Variants in ZSWIM6 observed in about 807,000 individuals in gnomAD.
ZSWIM6 encodes zinc finger SWIM domain-containing protein 6.
Under a neutral mutation model 113.2 loss-of-function variants are expected in ZSWIM6, and 9 were observed. The observed-to-expected ratio is 0.08, with a 90% CI of 0.05 to 0.14. The LOEUF is 0.14. Among genes scored for constraint, ZSWIM6 ranks in the 10% least tolerant of loss-of-function variants. The probability of loss-of-function intolerance (pLI) is 1.00; values close to 1 mark genes in which losing one functional copy is unlikely to be tolerated. For missense variants in ZSWIM6, 1,162 were observed against 1,552.2 expected, an observed-to-expected ratio of 0.75 and a Z score of 4.22; for synonymous variants, 611 against 606.5, an observed-to-expected ratio of 1.01 and a Z score of -0.11.
At chr5:61,404,940 T>TA (rs1221199647) in intron 1 of ZSWIM6, among the ~76,000 whole-genome samples, 1 of 152,224 alleles carries the variant, frequency 6.6e-6, no homozygotes, top group Non-Finnish European at 1.5e-5. Context: ...AACTGTAGGA[T>TA]ATGTTTCCCA....
chr5:61,457,624 CA>C (rs1238800388), intron 1 of ZSWIM6, among the ~76,000 whole-genome samples: 1 of 152,058 alleles, frequency 6.6e-6, no homozygotes, highest in Admixed American at 6.6e-5. Flanking sequence ...CAGGTTCAAG[CA>C]ATTCTCCTGC....
At chr5:61,447,495 T>C (rs1326109726) in intron 1 of ZSWIM6, among the ~76,000 whole-genome samples, 1 of 152,150 alleles carries the variant, frequency 6.6e-6, no homozygotes, top group African/African-American at 2.4e-5. Context: ...GCTGCTGGTA[T>C]CCACAAAGGA....
intron 4 of ZSWIM6, among the ~76,000 whole-genome samples, chr5:61,500,643 T>C (rs572520147): frequency 2.2e-4 from 33 of 152,270 alleles, no homozygotes; most frequent in African/African-American, 6.5e-4. Flanking sequence ...AGGGACCCTC[T>C]AACTTCAGGT....
At position 61,490,439 on chromosome 5, in the gene ZSWIM6, T is replaced by A. The variant is rs990432795; in HGVS notation, c.1034-347T>A. ...ATTTTTCTAAAGTCTTTGAAAGACA[T>A]TTTTTCCAGCATGGCCTACACAGCT... On this transcript the variant is annotated intron_variant, in intron 2 of 13. Coordinates refer to ENST00000252744, the MANE Select transcript of ZSWIM6 (RefSeq NM_020928.2). Among the ~76,000 whole-genome samples the A allele has an allele frequency of 1.6e-4, 25 of 152,124 alleles. 2 individuals are homozygous for A. Among genetic ancestry groups the A allele is most frequent in the Admixed American group, 1.0e-3 (16 of 15,252 alleles).
rs574101181 is a variant in ZSWIM6 at position 61,516,536 on chromosome 5, T to G, written c.1334-4727T>G. ...TAACATGGCAAATATATATATATCT[T>G]ATATATATATATAGTTTATAGATAC... is the stretch of plus-strand genomic sequence containing the variant. On this transcript the variant is annotated intron_variant, in intron 4 of 13. Transcript: ENST00000252744. 1.5e-4 allele frequency among the ~76,000 whole-genome samples: 16 copies of G among 103,494 alleles called. No individual in the cohort carries two copies. In the East Asian group the frequency reaches 4.8e-3, roughly 31 times the overall value. 67.9% of individuals were successfully genotyped at this position (103,494 alleles called of 152,430 possible).
At chr5:61,395,516 A>G (rs1300024769) in intron 1 of ZSWIM6, among the ~76,000 whole-genome samples, 2 of 152,336 alleles carry the variant, frequency 1.3e-5, no homozygotes, top group East Asian at 3.9e-4. Flanking sequence ...ATAAAAATCA[A>G]CGGTTTAATT....
In ZSWIM6 at chr5:61,332,354, AGCGGCG is replaced by A. The variant is rs528020839; in HGVS notation, c.95_100del (p.Gly32_Gly33del). 6.1e-5 allele frequency: 61 copies of A among 1,004,970 alleles called. No homozygotes were observed. The highest frequency in any genetic ancestry group is 7.0e-5 in the Non-Finnish European group (58 of 832,084). The allele number at this position is 1,004,970 out of a possible 1,614,324, so 62.3% of individuals were successfully genotyped here. ...CGGCGGCGGCGGCGGCGGGGGCAGC[AGCGGCG>A]GCGGCGGCGGCGCGGGTGGCGGCTA... On this transcript the variant is annotated inframe_deletion, in exon 1 of 14. Coordinates refer to ENST00000252744, the MANE Select transcript of ZSWIM6 (RefSeq NM_020928.2).
In ZSWIM6 at chr5:61,472,963, C is replaced by G. The variant is rs1320078704; in HGVS notation, c.959C>G (p.Thr320Arg). ...FVQYLITVHHTEVLPTAQKLA... is the reference protein window; with the variant it reads ...FVQYLITVHHREVLPTAQKLA... ...CAGTATTTGATCACAGTGCACCACA[C>G]AGAAGTTTTGCCAACTGCTCAAAAA... is the stretch of plus-strand genomic sequence containing the variant. Residue 320 changes from threonine to arginine, a missense_variant, in exon 2 of 14, where the codon ACA (threonine) becomes AGA (arginine). Transcript: ENST00000252744. The surrounding 1 kb of genome is among the most constrained non-coding windows in gnomAD (Gnocchi z 4.1). 1.0e-5 allele frequency: 16 copies of G among 1,544,460 alleles called. No individual in the cohort carries two copies. The highest frequency in any genetic ancestry group is 1.4e-5 in the Non-Finnish European group (16 of 1,143,130).
chr5:61,535,384 G>T, intron 9 of ZSWIM6, 100 bp from the exon 10 acceptor site: 1 of 1,339,020 alleles, frequency 7.5e-7, no homozygotes, highest in Non-Finnish European at 1.0e-6. Flanking sequence ...ATTCTTATTT[G>T]TATATGTTAT....
At chr5:61,526,620 C>CTTTTTTTTTT in intron 7 of ZSWIM6, among the ~76,000 whole-genome samples, 1 of 151,372 alleles carries the variant, frequency 6.6e-6, no homozygotes, top group South Asian at 2.1e-4. Flanking sequence ...AGGTTAGTTA[C>CTTTTTTTTTT]TTTTTTAAGG....
intron 1 of ZSWIM6, among the ~76,000 whole-genome samples, chr5:61,336,384 C>T (rs951771804): frequency 1.2e-4 from 18 of 152,278 alleles, no homozygotes; most frequent in African/African-American, 3.6e-4. Flanking sequence ...AAAAAAATTT[C>T]CCCAAGTTAT....
At chr5:61,359,012 G>A (rs1744978100) in intron 1 of ZSWIM6, among the ~76,000 whole-genome samples, 1 of 152,130 alleles carries the variant, frequency 6.6e-6, no homozygotes, top group Admixed American at 6.6e-5. Flanking sequence ...GGACATTTCA[G>A]GTGTAATGAA....
intron 4 of ZSWIM6, among the ~76,000 whole-genome samples, chr5:61,499,897 C>T (rs969639262): frequency 1.6e-4 from 24 of 152,110 alleles, no homozygotes; most frequent in South Asian, 2.1e-4. Context: ...GTGCTAAGCA[C>T]TTAATGCATG....
At chr5:61,456,890 CT>C (rs57188174) in intron 1 of ZSWIM6, among the ~76,000 whole-genome samples, 3,898 of 142,726 alleles carry the variant, frequency 0.027, 224 homozygotes, top group East Asian at 0.26. Flanking sequence ...TATCCAATTT[CT>C]TTTTTTTTTT....
chr5:61,362,426 G>C (rs1745050193), intron 1 of ZSWIM6, among the ~76,000 whole-genome samples: 3 of 152,096 alleles, frequency 2.0e-5, no homozygotes, highest in Non-Finnish European at 2.9e-5. Context: ...TCTAACTCCT[G>C]ACCTCAGGTG....
At chr5:61,418,186 A>G (rs1278908617) in intron 1 of ZSWIM6, among the ~76,000 whole-genome samples, 1 of 152,204 alleles carries the variant, frequency 6.6e-6, no homozygotes, top group African/African-American at 2.4e-5. Context: ...GCACTCATAA[A>G]ACCTATCCAG....
chr5:61,379,230 A>G lies in ZSWIM6; in HGVS notation c.676+46282A>G, dbSNP rs900150538. ...AAAAAGAATGTAAAAAGATAAATAA[A>G]GAATAGTTTGGAAGTTAACATTAAG... On this transcript the variant is annotated intron_variant, in intron 1 of 13. Coordinates refer to ENST00000252744, the MANE Select transcript of ZSWIM6 (RefSeq NM_020928.2). Among the ~76,000 whole-genome samples, 30 of 151,954 alleles carry G rather than the reference A, an allele frequency of 2.0e-4. 1 individual carries two copies. In the Middle Eastern group the frequency reaches 0.031, roughly 156 times the overall value.
intron 1 of ZSWIM6, among the ~76,000 whole-genome samples, chr5:61,395,550 C>T: frequency 6.6e-6 from 1 of 152,182 alleles, no homozygotes; most frequent in African/African-American, 2.4e-5. Context: ...CAGGGCTATA[C>T]ACATGATGAT....
intron 2 of ZSWIM6, among the ~76,000 whole-genome samples, chr5:61,483,888 A>C (rs1311045375): frequency 6.6e-6 from 1 of 150,504 alleles, no homozygotes; most frequent in African/African-American, 2.4e-5. Flanking sequence ...AAAATAAATA[A>C]ATAAATAAAT....
Sources: allele counts gnomAD v4.1 joint callset (sites outside exome capture counted in the v4.1 genomes callset), GRCh38; gene constraint gnomAD v4.1.1; non-coding constraint Gnocchi (gnomAD v3.1); transcripts MANE v1.5; gene names NCBI Gene and HGNC (gene_info 2026-07-23, HGNC 2026-07-21).